The following DERL1 variants were observed in gnomAD, a reference collection of about 807,000 sequenced individuals.
DERL1 encodes derlin-1.
Under a neutral mutation model 41.6 loss-of-function variants are expected in DERL1, and 24 were observed. That is an observed-to-expected ratio of 0.58 (90% confidence interval 0.42 to 0.81). DERL1 has a LOEUF of 0.81. Ranked by LOEUF, DERL1 falls within the 30% of genes least tolerant of loss-of-function variation. DERL1 has a pLI of 0.00. For synonymous variants in DERL1, 124 were observed against 112.5 expected, an observed-to-expected ratio of 1.10 and a Z score of -0.65; for missense variants, 260 against 314.3, an observed-to-expected ratio of 0.83 and a Z score of 1.31.
intron 4 of DERL1, among the ~76,000 whole-genome samples, chr8:123,023,294 A>G (rs969957141): frequency 6.6e-6 from 1 of 152,218 alleles, no homozygotes; most frequent in Admixed American, 6.5e-5. Flanking sequence ...ACGGTGGCTC[A>G]TGCCTGTAAT....
intron 2 of DERL1, among the ~76,000 whole-genome samples, chr8:123,027,071 G>A (rs779075941): frequency 1.3e-5 from 2 of 152,002 alleles, no homozygotes; most frequent in Admixed American, 6.6e-5. Context: ...TGAGGTGGGC[G>A]AATCACTTGA....
chr8:123,025,131 G>C, intron 2 of DERL1, 81 bp from the exon 3 acceptor site: 2 of 1,445,336 alleles, frequency 1.4e-6, no homozygotes, highest in Non-Finnish European at 1.9e-6. Flanking sequence ...ACTTCAAAAA[G>C]TTACAGAAAA....
At chr8:123,037,264 G>A (rs1812947274) in intron 1 of DERL1, among the ~76,000 whole-genome samples, 1 of 152,162 alleles carries the variant, frequency 6.6e-6, no homozygotes, top group African/African-American at 2.4e-5. Flanking sequence ...CTAGAGGCAA[G>A]AAGTAGATAA....
chr8:123,024,322 G>A (rs528593827), intron 3 of DERL1, among the ~76,000 whole-genome samples: 2 of 152,288 alleles, frequency 1.3e-5, no homozygotes, highest in East Asian at 1.9e-4. Flanking sequence ...AAGGAGGGGG[G>A]AAAGGGCATC....
At chr8:123,023,811 T>C in intron 3 of DERL1, 72 bp from the exon 4 acceptor site, 1 of 1,535,550 alleles carries the variant, frequency 6.5e-7, no homozygotes, top group Non-Finnish European at 8.9e-7. Context: ...GTGGTTATTT[T>C]CCTCCCATTT....
In DERL1 at chr8:123,032,345, G is replaced by T. The variant is rs571057927; in HGVS notation, c.154-1629C>A. Among the ~76,000 whole-genome samples the T allele has an allele frequency of 6.6e-5, 10 of 152,208 alleles. No individual in the cohort carries two copies. In the East Asian group the frequency reaches 1.9e-3, roughly 29 times the overall value. On this transcript the variant is annotated intron_variant, in intron 1 of 7. Transcript: ENST00000259512. ...ATACAGGGTCTCCTGATGTTGCCCA[G>T]GCTGGTCTCAAATTCCTGAGCTCAA...
intron 1 of DERL1, among the ~76,000 whole-genome samples, chr8:123,033,604 G>A (rs1181005078): frequency 3.3e-5 from 5 of 152,162 alleles, no homozygotes; most frequent in African/African-American, 9.7e-5. Context: ...TTAGCCGGGC[G>A]TGGTGGCACA....
intron 4 of DERL1, among the ~76,000 whole-genome samples, 155 bp downstream of exon 4, chr8:123,023,558 A>C (rs1487355849): frequency 6.6e-6 from 1 of 152,214 alleles, no homozygotes; most frequent in South Asian, 2.1e-4. Flanking sequence ...CCATCTCATA[A>C]ATAAATAAAT....
At chr8:123,017,846 A>G (rs1408412679) in intron 7 of DERL1, 1 of 152,264 alleles carries the variant, frequency 6.6e-6, no homozygotes. Context: ...TAGATCAGAA[A>G]GCCAAACCTG....
At chr8:123,037,477 G>C (rs2130495770) in intron 1 of DERL1, among the ~76,000 whole-genome samples, 1 of 152,248 alleles carries the variant, frequency 6.6e-6, no homozygotes, top group Non-Finnish European at 1.5e-5. Context: ...AAGAAATTGA[G>C]GCTCAGACAG....
chr8:123,020,432 A>G (rs911623455), intron 6 of DERL1, among the ~76,000 whole-genome samples: 3 of 152,108 alleles, frequency 2.0e-5, no homozygotes, highest in African/African-American at 7.2e-5. Flanking sequence ...GTGAGCCAAG[A>G]TCACGCCACT....
chr8:123,015,090 G>A lies in DERL1; in HGVS notation c.*357C>T, dbSNP rs1309440811. 1.1e-5 allele frequency: 2 copies of A among 174,178 alleles called. No individual in the cohort carries two copies. The highest frequency in any genetic ancestry group is 4.7e-5 in the African/African-American group (2 of 42,290). 10.8% of individuals were successfully genotyped at this position (174,178 alleles called of 1,614,324 possible). A position where few individuals can be genotyped will look rare whatever the true frequency, so the allele number is the denominator to read the frequency against. ...GCATGTGTGCAAGAAAGAGATAAGG[G>A]TCCTTTTGGGAAGGGTTTGGTGACC... is the stretch of plus-strand genomic sequence containing the variant. On this transcript the variant is annotated 3_prime_UTR_variant, in exon 8 of 8. Coordinates refer to ENST00000259512, the MANE Select transcript of DERL1 (RefSeq NM_024295.6).
chr8:123,020,459 G>A (rs554204805), intron 6 of DERL1, among the ~76,000 whole-genome samples: 2 of 151,994 alleles, frequency 1.3e-5, no homozygotes, highest in East Asian at 3.9e-4. Flanking sequence ...CAACCTCGGT[G>A]ACAGAGCCAG....
intron 1 of DERL1, among the ~76,000 whole-genome samples, chr8:123,040,325 C>T (rs893830940): frequency 3.9e-5 from 6 of 152,188 alleles, no homozygotes; most frequent in Non-Finnish European, 7.3e-5. Flanking sequence ...GTCAACAAGA[C>T]GGCATTTGGG....
At chr8:123,028,869 C>T (rs1368707411) in intron 2 of DERL1, among the ~76,000 whole-genome samples, 1 of 152,060 alleles carries the variant, frequency 6.6e-6, no homozygotes, top group Non-Finnish European at 1.5e-5. Context: ...GAGTTCAAGA[C>T]CAGGCTGGGC....
intron 1 of DERL1, among the ~76,000 whole-genome samples, chr8:123,036,221 C>T (rs1812924884): frequency 6.6e-6 from 1 of 151,942 alleles, no homozygotes; most frequent in African/African-American, 2.4e-5. Context: ...TCATAATAGC[C>T]AAACTGGAAA....
chr8:123,022,263 T>C (rs2130464454), intron 5 of DERL1, among the ~76,000 whole-genome samples: 2 of 152,316 alleles, frequency 1.3e-5, no homozygotes, highest in African/African-American at 4.8e-5. Flanking sequence ...AGAATCAAGA[T>C]GTTACAGGTG....
chr8:123,040,084 G>A (rs2130500174), intron 1 of DERL1, among the ~76,000 whole-genome samples: 1 of 152,330 alleles, frequency 6.6e-6, no homozygotes, highest in Middle Eastern at 3.4e-3. Flanking sequence ...GGGCATGGTG[G>A]TGTGCACCTG....
At chr8:123,030,461 A>G (rs1018485618) in intron 2 of DERL1, 144 bp downstream of exon 2, 2 of 574,436 alleles carry the variant, frequency 3.5e-6, no homozygotes, top group South Asian at 2.5e-5. Context: ...TGCCTGGTGC[A>G]GTCCTGGCAC....
Sources: gnomAD v4.1 joint callset for allele counts (sites outside exome capture counted in the v4.1 genomes callset) on GRCh38, gnomAD v4.1.1 for gene constraint, MANE v1.5 for transcripts, NCBI Gene and HGNC (gene_info 2026-07-23, HGNC 2026-07-21) for gene names.